Variants in ZC4H2 observed in about 807,000 individuals in gnomAD.
The protein encoded by ZC4H2 is zinc finger C4H2 domain-containing protein.
For missense variants in ZC4H2, 137 were observed against 173.9 expected (o/e 0.79, Z 1.19); for synonymous variants, 84 against 66.3 (o/e 1.27, Z -1.30).
At chrX:64,974,820 C>T (rs964560816) in intron 1 of ZC4H2, among the ~76,000 whole-genome samples, 2 of 108,982 alleles carry the variant, frequency 1.8e-5, no homozygotes, top group African/African-American at 6.7e-5. Context: ...CTTCTCTGGG[C>T]ATGGGGTGGT....
chrX:64,918,014 T>A, intron 4 of ZC4H2, 118 bp from the exon 5 acceptor site: 1 of 859,834 alleles, frequency 1.2e-6, no homozygotes, highest in South Asian at 2.7e-5. Flanking sequence ...AAGAGAGCAA[T>A]AATCAGTGAG....
intron 1 of ZC4H2, among the ~76,000 whole-genome samples, chrX:64,997,796 T>C (rs1932448029): frequency 9.0e-6 from 1 of 111,427 alleles, no homozygotes; most frequent in Admixed American, 9.6e-5. Flanking sequence ...TGTTCTTTTT[T>C]GGCAGAGATA....
At chrX:64,983,422 G>T (rs919339577) in intron 1 of ZC4H2, among the ~76,000 whole-genome samples, 1 of 111,367 alleles carries the variant, frequency 9.0e-6, no homozygotes, top group African/African-American at 3.3e-5. Context: ...TACCAGACAG[G>T]TTCCTATTAT....
At chrX:64,949,171 A>C (rs1351669558) in intron 1 of ZC4H2, among the ~76,000 whole-genome samples, 1 of 111,763 alleles carries the variant, frequency 8.9e-6, no homozygotes, top group Non-Finnish European at 1.9e-5. Context: ...TGGTACACTA[A>C]TGCCAGGGTG....
At chrX:65,023,607 A>G (rs1310088214) in intron 1 of ZC4H2, among the ~76,000 whole-genome samples, 1 of 112,073 alleles carries the variant, frequency 8.9e-6, no homozygotes, top group Non-Finnish European at 1.9e-5. Flanking sequence ...TCAGGAAACA[A>G]GAGATGCTGG....
chrX:65,011,241 C>A (rs997848281), intron 1 of ZC4H2, among the ~76,000 whole-genome samples: 8 of 111,683 alleles, frequency 7.2e-5, no homozygotes, highest in African/African-American at 2.6e-4. Context: ...GAAGCCGAGG[C>A]TCAAAAAGGT....
intron 1 of ZC4H2, among the ~76,000 whole-genome samples, chrX:65,021,215 A>T (rs934162112): frequency 9.0e-6 from 1 of 111,139 alleles, no homozygotes; most frequent in Non-Finnish European, 1.9e-5. Context: ...AAATCGACAG[A>T]ATATACATTT....
chrX:65,004,876 A>G (rs1932624052), intron 1 of ZC4H2, among the ~76,000 whole-genome samples: 1 of 112,320 alleles, frequency 8.9e-6, no homozygotes, highest in African/African-American at 3.2e-5. Context: ...AAGCAACTTC[A>G]GCAAAGACTC....
chrX:64,946,873 T>A (rs891748199), intron 1 of ZC4H2, among the ~76,000 whole-genome samples: 1 of 111,682 alleles, frequency 9.0e-6, no homozygotes, highest in African/African-American at 3.3e-5. Context: ...TTAGTTTCTG[T>A]TTTTTGCTTG....
At chrX:65,019,552 A>T (rs961944234) in intron 1 of ZC4H2, among the ~76,000 whole-genome samples, 3 of 112,512 alleles carry the variant, frequency 2.7e-5, no homozygotes, top group Non-Finnish European at 5.6e-5. Flanking sequence ...TCAAAGACCA[A>T]AGGCAGATAA....
At chrX:64,963,879 G>C (rs955578844) in intron 1 of ZC4H2, among the ~76,000 whole-genome samples, 7 of 111,435 alleles carry the variant, frequency 6.3e-5, no homozygotes, top group African/African-American at 2.3e-4. Context: ...TAAAAAAGAA[G>C]GAAGTCCTAC....
chrX:64,987,088 C>T (rs1159659132), intron 1 of ZC4H2, among the ~76,000 whole-genome samples: 3 of 108,326 alleles, frequency 2.8e-5, no homozygotes, highest in Non-Finnish European at 3.8e-5. Context: ...CCACCAAGCC[C>T]GGCTAATTTT....
chrX:65,009,050 C>T (rs972018819), intron 1 of ZC4H2, among the ~76,000 whole-genome samples: 1 of 111,690 alleles, frequency 9.0e-6, no homozygotes, highest in Non-Finnish European at 1.9e-5. Flanking sequence ...ACACATTTTA[C>T]GATAGTATTA....
chrX:65,013,989 GA>G (rs926960273), intron 1 of ZC4H2, among the ~76,000 whole-genome samples: 29 of 107,620 alleles, frequency 2.7e-4, no homozygotes, highest in Non-Finnish European at 4.6e-4. Flanking sequence ...TGCTTGTGTA[GA>G]AAAAAAAAGC....
chrX:65,001,735 G>A (rs758329864), intron 1 of ZC4H2, among the ~76,000 whole-genome samples: 1 of 111,800 alleles, frequency 8.9e-6, no homozygotes. Context: ...TCAAAATAAA[G>A]AGATGGAGGA....
intron 1 of ZC4H2, among the ~76,000 whole-genome samples, chrX:65,023,991 C>G (rs1364269774): frequency 9.0e-6 from 1 of 110,872 alleles, no homozygotes; most frequent in East Asian, 2.9e-4. Context: ...TCATTCTCAG[C>G]AAACTAACAT....
At chrX:65,014,608 G>A (rs1026947115) in intron 1 of ZC4H2, among the ~76,000 whole-genome samples, 13 of 111,764 alleles carry the variant, frequency 1.2e-4, no homozygotes, top group Admixed American at 3.8e-4. Flanking sequence ...CTTTTTGGCT[G>A]TAATCTGTGG....
At chrX:64,999,929 C>T (rs1189282821) in intron 1 of ZC4H2, among the ~76,000 whole-genome samples, 1 of 112,208 alleles carries the variant, frequency 8.9e-6, no homozygotes. Flanking sequence ...GAAAGAAAGG[C>T]AGCAGCCCCA....
rs138191209 is a variant in ZC4H2 at position 64,938,877 on chromosome X, C to T, written c.54-16889G>A. On this transcript the variant is annotated intron_variant, in intron 1 of 4. Coordinates refer to ENST00000374839, the MANE Select transcript of ZC4H2 (RefSeq NM_018684.4). The stretch of plus-strand genomic sequence containing the variant: ...GAAGCATTTGCTTTGAAAACTGGCA[C>T]AAGACATGGATGCCCTCTCTCACCA... Among the ~76,000 whole-genome samples the T allele has an allele frequency of 7.0e-4, 78 of 111,914 alleles. 1 individual carries two copies. In the East Asian group the frequency reaches 0.02, roughly 29 times the overall value.
Sources: gnomAD v4.1 joint callset for allele counts (sites outside exome capture counted in the v4.1 genomes callset) on GRCh38, gnomAD v4.1.1 for gene constraint, MANE v1.5 for transcripts, NCBI Gene and HGNC (gene_info 2026-07-23, HGNC 2026-07-21) for gene names.